Variants in YWHAZ observed in about 807,000 individuals in gnomAD.
YWHAZ encodes 14-3-3 protein zeta/delta.
For synonymous variants in YWHAZ, 87 were observed against 103.6 expected (o/e 0.84, Z 0.97); for missense variants, 79 against 284.8 (o/e 0.28, Z 5.20).
At chr8:100,951,407 G>GCGTATCCCCTGATCTTAAAGTCAAGACT in intron 1 of YWHAZ, 1 of 963,906 alleles carries the variant, frequency 1.0e-6, no homozygotes, top group Non-Finnish European at 1.2e-6. Flanking sequence ...TGCGCGAGGG[G>GCGTATCCCCTGATCTTAAAGTCAAGACT]GAGGGAAAGG....
At chr8:100,928,768 C>A (rs565696616) in intron 2 of YWHAZ, among the ~76,000 whole-genome samples, 1 of 151,790 alleles carries the variant, frequency 6.6e-6, no homozygotes, top group African/African-American at 2.4e-5. Flanking sequence ...ATATTCTCAG[C>A]CTCAATGGGG....
At chr8:100,950,657 T>TTGGGGGGGGGGG (rs71276929) in intron 1 of YWHAZ, 1 of 649,274 alleles carries the variant, frequency 1.5e-6, no homozygotes. Context: ...GCCCAAGCCG[T>TTGGGGGGGGGGG]GGGGGGGGGG....
chr8:100,949,591 T>C (rs539442808), intron 1 of YWHAZ, among the ~76,000 whole-genome samples: 35 of 152,332 alleles, frequency 2.3e-4, no homozygotes, highest in Admixed American at 1.9e-3. Context: ...TCTTGTTATA[T>C]GTCCACATGC....
chr8:100,948,304 G>A lies in YWHAZ; in HGVS notation c.294+292C>T. ...GCTACTACAAATATTCTAACCATAA[G>A]TAAAACAGTAACACAATTAGTTTAT... On this transcript the variant is annotated intron_variant, in intron 2 of 5. Coordinates refer to ENST00000395958, the MANE Select transcript of YWHAZ (RefSeq NM_145690.3). The surrounding 1 kb of genome is among the most constrained non-coding windows in gnomAD (Gnocchi z 4.2). The A allele has an allele frequency of 1.6e-6, 1 of 635,562 alleles. No homozygotes were observed. Among genetic ancestry groups the A allele is most frequent in the South Asian group, 2.5e-5 (1 of 39,716 alleles). The allele number at this position is 635,562 out of a possible 1,614,324, so 39.4% of individuals were successfully genotyped here.
intron 2 of YWHAZ, among the ~76,000 whole-genome samples, chr8:100,937,616 G>C (rs1453293241): frequency 1.3e-5 from 2 of 152,190 alleles, no homozygotes; most frequent in Admixed American, 1.3e-4. Context: ...GTGAGTGGGA[G>C]AAAGATCAAG....
chr8:100,926,309 C>T (rs1196771383), intron 2 of YWHAZ, among the ~76,000 whole-genome samples: 1 of 151,770 alleles, frequency 6.6e-6, no homozygotes, highest in Non-Finnish European at 1.5e-5. Flanking sequence ...GAAAAGTCAA[C>T]CTGAAATGAT....
chr8:100,936,844 G>T (rs893782696), intron 2 of YWHAZ, among the ~76,000 whole-genome samples: 1 of 151,900 alleles, frequency 6.6e-6, no homozygotes, highest in South Asian at 2.1e-4. Flanking sequence ...CAGACAAATC[G>T]AAACTGAGAG....
chr8:100,952,637 G>A, upstream of YWHAZ: 1 of 346,998 alleles, frequency 2.9e-6, no homozygotes, highest in South Asian at 1.2e-4. Context: ...GGCCGTCCCC[G>A]GGCAGGATGA....
intron 2 of YWHAZ, among the ~76,000 whole-genome samples, chr8:100,944,205 T>C (rs991664215): frequency 2.0e-5 from 3 of 152,126 alleles, no homozygotes; most frequent in African/African-American, 7.2e-5. Context: ...GTCTAGTGAT[T>C]TTCATCTTAA....
intron 2 of YWHAZ, among the ~76,000 whole-genome samples, chr8:100,934,267 T>C (rs1252567922): frequency 6.7e-6 from 1 of 148,822 alleles, no homozygotes; most frequent in African/African-American, 2.5e-5. Flanking sequence ...CAGGATGTCA[T>C]GGCTGCAGTG....
intron 1 of YWHAZ, 116 bp downstream of exon 1, chr8:100,951,813 G>A (rs1586172609): frequency 3.0e-6 from 3 of 985,510 alleles, no homozygotes; most frequent in African/African-American, 1.7e-5. Flanking sequence ...GCCTCAGCCC[G>A]GCGCCGCCAC....
At chr8:100,928,285 A>G (rs539307975) in intron 2 of YWHAZ, among the ~76,000 whole-genome samples, 2 of 151,660 alleles carry the variant, frequency 1.3e-5, no homozygotes, top group Admixed American at 6.6e-5. Context: ...GTCTCAAAAA[A>G]AAAGAGTTGA....
intron 1 of YWHAZ, 110 bp from the exon 2 acceptor site, chr8:100,949,010 GAA>G: frequency 1.6e-6 from 2 of 1,256,912 alleles, no homozygotes; most frequent in Admixed American, 2.5e-5. Context: ...AACTGCCTGT[GAA>G]AGACTGTTCA....
In YWHAZ at chr8:100,922,189, A is replaced by G. The variant is rs1392598012; in HGVS notation, c.679-1437T>C. Among the ~76,000 whole-genome samples, 1 of 152,230 alleles carries G rather than the reference A, an allele frequency of 6.6e-6. No individual in the cohort carries two copies. Among genetic ancestry groups the G allele is most frequent in the South Asian group, 2.1e-4 (1 of 4,832 alleles). On this transcript the variant is annotated intron_variant, in intron 5 of 5. Transcript: ENST00000395958. This position sits in a 1 kb window ranked among gnomAD's most constrained non-coding sequence, Gnocchi z 4.1. ...TATAAACATGCAAATTTGATACAAA[A>G]TATTTCTTTTTCTAGAGTAATGTGT...
chr8:100,946,181 A>C (rs1306156119), intron 2 of YWHAZ, among the ~76,000 whole-genome samples: 2 of 152,184 alleles, frequency 1.3e-5, no homozygotes, highest in Non-Finnish European at 2.9e-5. Flanking sequence ...TGTTATCCTC[A>C]TCTACTGGTT....
chr8:100,952,019 T>G lies in YWHAZ; in HGVS notation c.-102A>C. The G allele has an allele frequency of 1.0e-6, 1 of 995,770 alleles. No homozygotes were observed. Among genetic ancestry groups the G allele is most frequent in the Non-Finnish European group, 1.2e-6 (1 of 836,912 alleles). The allele number at this position is 995,770 out of a possible 1,614,324, so 61.7% of individuals were successfully genotyped here. ...CAGCAGCGGCGAGGCTGAGACTCTG[T>G]CCCTGGATCTCGCTGCTCACAGGCT... On this transcript the variant is annotated 5_prime_UTR_variant, in exon 1 of 6. Coordinates refer to ENST00000395958, the MANE Select transcript of YWHAZ (RefSeq NM_145690.3).
rs1472766017 is a variant in YWHAZ, at chr8:100,917,640, G to C, written c.*3053C>G. The stretch of plus-strand genomic sequence containing the variant: ...AGGCTGAGGCAGGAGAATCACTTCA[G>C]CCTGGGAGGAGAAGGTTGCAGTGAG... On this transcript the variant is annotated 3_prime_UTR_variant, in exon 6 of 6. Transcript: ENST00000395958. 6.6e-6 allele frequency: 1 copy of C among 152,086 alleles called. No homozygotes were observed. Among genetic ancestry groups the C allele is most frequent in the East Asian group, 1.9e-4 (1 of 5,188 alleles). The allele number at this position is 152,086 out of a possible 1,614,324, so 9.4% of individuals were successfully genotyped here. A position where few individuals can be genotyped will look rare whatever the true frequency, so the allele number is the denominator to read the frequency against.
chr8:100,948,910 G>T lies in YWHAZ; in HGVS notation c.-11-10C>A, dbSNP rs1005003087. ...TCCATGACTGGATGTTCTGCAGGGG[G>T]GAAAAAAGGAGTATTTAAAATTTTT... On this transcript the variant is annotated splice_polypyrimidine_tract_variant and intron_variant, in intron 1 of 5. Coordinates refer to ENST00000395958, the MANE Select transcript of YWHAZ (RefSeq NM_145690.3). The surrounding 1 kb of genome is among the most constrained non-coding windows in gnomAD (Gnocchi z 4.2). 1.1e-5 allele frequency: 17 copies of T among 1,547,826 alleles called. No individual in the cohort carries two copies. In the African/African-American group the frequency reaches 1.4e-4, roughly 13 times the overall value.
intron 2 of YWHAZ, among the ~76,000 whole-genome samples, chr8:100,945,326 G>T (rs745400588): frequency 6.6e-6 from 1 of 152,148 alleles, no homozygotes; most frequent in Admixed American, 6.5e-5. Context: ...ACCAGAATGG[G>T]TTACTAAAGA....
Sources: gnomAD v4.1 joint callset for allele counts (sites outside exome capture counted in the v4.1 genomes callset) on GRCh38, gnomAD v4.1.1 for gene constraint, Gnocchi (gnomAD v3.1) non-coding constraint, MANE v1.5 for transcripts, NCBI Gene and HGNC (gene_info 2026-07-23, HGNC 2026-07-21) for gene names.